Variants in ARHGAP6 observed in about 807,000 individuals in gnomAD.
The protein encoded by ARHGAP6 is rho GTPase-activating protein 6.
A neutral mutation model predicts 55.7 loss-of-function variants in ARHGAP6; 16 were observed. The ratio of observed to expected loss-of-function variants is 0.29; its 90% CI spans 0.19 to 0.44. The LOEUF is 0.44. Among genes scored for constraint, ARHGAP6 ranks in the 20% least tolerant of loss-of-function variants. The pLI is 1.00. For synonymous variants in ARHGAP6, 382 were observed against 360.9 expected, an observed-to-expected ratio of 1.06 and a Z score of -0.66; for missense variants, 698 against 808.9, an observed-to-expected ratio of 0.86 and a Z score of 1.66.
chrX:11,519,072 G>T (rs1257810986), intron 1 of ARHGAP6, among the ~76,000 whole-genome samples: 1 of 94,380 alleles, frequency 1.1e-5, no homozygotes, highest in Admixed American at 1.2e-4. Context: ...CTTTGCTATT[G>T]TGAATAATGC....
intron 1 of ARHGAP6, among the ~76,000 whole-genome samples, chrX:11,621,031 T>C (rs1433661636): frequency 1.7e-4 from 19 of 112,009 alleles, no homozygotes; most frequent in African/African-American, 5.8e-4. Context: ...TATTTTACTA[T>C]AGGGCAGGAG....
chrX:11,381,263 AT>A (rs2049260054), intron 1 of ARHGAP6, among the ~76,000 whole-genome samples: 1 of 112,545 alleles, frequency 8.9e-6, no homozygotes, highest in African/African-American at 3.2e-5. Context: ...TATATTTAGA[AT>A]TCTAGAGTCT....
intron 1 of ARHGAP6, among the ~76,000 whole-genome samples, chrX:11,523,186 C>G (rs905747641): frequency 2.7e-5 from 3 of 111,536 alleles, no homozygotes; most frequent in Non-Finnish European, 5.6e-5. Flanking sequence ...ATTCAACAGC[C>G]CTTCATGCTA....
At chrX:11,626,597 T>TA (rs1163389713) in intron 1 of ARHGAP6, among the ~76,000 whole-genome samples, 2 of 111,799 alleles carry the variant, frequency 1.8e-5, no homozygotes, top group Non-Finnish European at 3.8e-5. Flanking sequence ...AAAGCAAATC[T>TA]AAAAATGAAA....
At chrX:11,355,241 C>T (rs2048917694) in intron 1 of ARHGAP6, among the ~76,000 whole-genome samples, 1 of 111,909 alleles carries the variant, frequency 8.9e-6, no homozygotes, top group African/African-American at 3.2e-5. Context: ...CAATGGATTC[C>T]ACCCCAGCCA....
intron 2 of ARHGAP6, among the ~76,000 whole-genome samples, chrX:11,238,422 G>A (rs980488484): frequency 8.9e-6 from 1 of 111,991 alleles, no homozygotes; most frequent in Non-Finnish European, 1.9e-5. Context: ...GGCAGGATCA[G>A]GTATGGAACA....
chrX:11,571,837 G>A (rs997622907), intron 1 of ARHGAP6, among the ~76,000 whole-genome samples: 6 of 109,736 alleles, frequency 5.5e-5, no homozygotes, highest in Non-Finnish European at 9.5e-5. Context: ...GCAGTGAGCC[G>A]TGATTGCATC....
At chrX:11,574,754 G>A (rs2051575778) in intron 1 of ARHGAP6, among the ~76,000 whole-genome samples, 1 of 107,063 alleles carries the variant, frequency 9.3e-6, no homozygotes, top group East Asian at 2.9e-4. Flanking sequence ...GGAAATAAAG[G>A]GTATTCAATT....
At chrX:11,643,512 A>G (rs987048144) in intron 1 of ARHGAP6, among the ~76,000 whole-genome samples, 3 of 112,350 alleles carry the variant, frequency 2.7e-5, no homozygotes, top group African/African-American at 9.7e-5. Flanking sequence ...CCTAAAGTAC[A>G]AAAATGCAAA....
intron 1 of ARHGAP6, among the ~76,000 whole-genome samples, chrX:11,561,002 T>C (rs957960647): frequency 2.7e-5 from 3 of 111,944 alleles, no homozygotes; most frequent in African/African-American, 9.8e-5. Context: ...CTGCAGCCTG[T>C]TTTTATAAAC....
intron 1 of ARHGAP6, among the ~76,000 whole-genome samples, chrX:11,358,481 CTTTCTTTT>C (rs1238318038): frequency 4.1e-4 from 24 of 58,907 alleles, no homozygotes; most frequent in East Asian, 7.0e-4. Flanking sequence ...TTCTTTCTTT[CTTTCTTTT>C]TTTTTTTTTG....
intron 1 of ARHGAP6, among the ~76,000 whole-genome samples, chrX:11,447,952 G>A (rs1158350963): frequency 8.9e-6 from 1 of 112,187 alleles, no homozygotes; most frequent in Non-Finnish European, 1.9e-5. Flanking sequence ...TTCTATAGAA[G>A]ACAGCTGTGT....
chrX:11,242,372 T>A (rs1312487571), intron 2 of ARHGAP6, among the ~76,000 whole-genome samples: 1 of 112,360 alleles, frequency 8.9e-6, no homozygotes, highest in African/African-American at 3.2e-5. Flanking sequence ...CTGCTAATGA[T>A]CAAATTATGC....
Position 11,188,764 on chromosome X carries a change from T to A in ARHGAP6, c.1041A>T (p.Pro347=). 1.7e-6 allele frequency: 2 copies of A among 1,211,916 alleles called. No individual in the cohort carries two copies. The highest frequency in any genetic ancestry group is 2.2e-6 in the Non-Finnish European group (2 of 895,506). ...CCCGAGGAGCCGGTTCCGGGGTGTT[T>A]GGGGACGTTGACTCATTCGGTGTTT... is the stretch of plus-strand genomic sequence containing the variant. The part of the protein sequence containing the change: ...TSETPNESTS[P]NTPEPAPRAR... Residue 347 remains proline, a synonymous_variant, in exon 4 of 13, where the codon CCA becomes CCT. Coordinates refer to ENST00000337414, the MANE Select transcript of ARHGAP6 (RefSeq NM_013427.3).
chrX:11,186,574 T>C, intron 4 of ARHGAP6, 143 bp from the exon 5 acceptor site: 1 of 391,241 alleles, frequency 2.6e-6, no homozygotes, highest in Non-Finnish European at 4.2e-6. Flanking sequence ...AATTGTTCTG[T>C]TTGTAAATTA....
chrX:11,435,116 A>G (rs1312363826), intron 1 of ARHGAP6, among the ~76,000 whole-genome samples: 1 of 111,889 alleles, frequency 8.9e-6, no homozygotes, highest in Non-Finnish European at 1.9e-5. Flanking sequence ...GGTATCTACT[A>G]GGTAGAGGCC....
chrX:11,390,909 T>C (rs1482305084), intron 1 of ARHGAP6, among the ~76,000 whole-genome samples: 8 of 112,076 alleles, frequency 7.1e-5, no homozygotes, highest in Non-Finnish European at 1.5e-4. Context: ...AGTGTGGTGA[T>C]TCCTCAGGGA....
At chrX:11,360,061 G>A (rs1302405280) in intron 1 of ARHGAP6, among the ~76,000 whole-genome samples, 3 of 111,351 alleles carry the variant, frequency 2.7e-5, no homozygotes, top group Non-Finnish European at 3.8e-5. Context: ...ATTCACAGCC[G>A]AATTCTACCA....
At chrX:11,625,094 T>C (rs974247236) in intron 1 of ARHGAP6, among the ~76,000 whole-genome samples, 18 of 111,650 alleles carry the variant, frequency 1.6e-4, no homozygotes, top group South Asian at 3.7e-4. Flanking sequence ...TGGAAAACAA[T>C]ATGAATTTTC....
Sources: gnomAD v4.1 joint callset for allele counts (sites outside exome capture counted in the v4.1 genomes callset) on GRCh38, gnomAD v4.1.1 for gene constraint, MANE v1.5 for transcripts, NCBI Gene and HGNC (gene_info 2026-07-23, HGNC 2026-07-21) for gene names.